ZNF398: variants seen among roughly 807,000 people sequenced by gnomAD.
The protein encoded by ZNF398 is zinc finger DNA binding protein ZER6.
ZNF398 carries 18 observed loss-of-function variants against 41.9 expected under a neutral mutation model. That is an observed-to-expected ratio of 0.43 (90% CI 0.30 to 0.64). The LOEUF is 0.64. Ranked by LOEUF, ZNF398 falls within the 30% of genes least tolerant of loss-of-function variation. ZNF398 has a pLI of 0.14. For synonymous variants in ZNF398, 260 were observed against 308.8 expected (o/e 0.84, Z 1.66); for missense variants, 669 against 822.8 (o/e 0.81, Z 2.29).
At chr7:149,178,543 TTC>T in intron 5 of ZNF398, 103 bp from the exon 6 acceptor site, 1 of 959,536 alleles carries the variant, frequency 1.0e-6, no homozygotes, top group East Asian at 2.4e-5. Flanking sequence ...TCTGCTGTAT[TTC>T]TGATCTGAGC....
In ZNF398 at chr7:149,181,122, A is replaced by G. The variant is rs1366244575; in HGVS notation, c.*1321A>G. The G allele has an allele frequency of 1.3e-5, 2 of 152,588 alleles. No homozygotes were observed. The highest frequency in any genetic ancestry group is 2.9e-5 in the Non-Finnish European group (2 of 68,026). 9.5% of individuals were successfully genotyped at this position (152,588 alleles called of 1,614,324 possible). ...AGTTCTGTTTCCTTTATGGATCTCAAATTTTCATCTGCACAATGAGGCTGT... is the reference window on the plus strand; with the variant it reads ...AGTTCTGTTTCCTTTATGGATCTCAGATTTTCATCTGCACAATGAGGCTGT... On this transcript the variant is annotated 3_prime_UTR_variant, in exon 6 of 6. Coordinates refer to ENST00000475153, the MANE Select transcript of ZNF398 (RefSeq NM_170686.3).
rs1585548728 is a variant in ZNF398, at chr7:149,181,547, A to G, written c.*1746A>G. ...AGCCCATCCTTCACTCTCTCTAGTT[A>G]TGCATAACAACACTAGAAGAAGGTG... On this transcript the variant is annotated 3_prime_UTR_variant, in exon 6 of 6. Transcript: ENST00000475153. The G allele has an allele frequency of 2.0e-5, 3 of 152,308 alleles. No individual in the cohort carries two copies. The highest frequency in any genetic ancestry group is 6.5e-5 in the Admixed American group (1 of 15,286). The allele number at this position is 152,308 out of a possible 1,614,324, so 9.4% of individuals were successfully genotyped here. A position where few individuals can be genotyped will look rare whatever the true frequency, so the allele number is the denominator to read the frequency against.
chr7:149,151,567 T>G (rs985736512), intron 1 of ZNF398, among the ~76,000 whole-genome samples: 1 of 152,156 alleles, frequency 6.6e-6, no homozygotes, highest in Non-Finnish European at 1.5e-5. Context: ...AAGTAAATTA[T>G]TTTGGAGCAG....
chr7:149,144,292 T>C (rs142412078), upstream of ZNF398, among the ~76,000 whole-genome samples: 126 of 152,312 alleles, frequency 8.3e-4, 1 homozygote, highest in African/African-American at 3.0e-3. Context: ...TCTTGCCTTA[T>C]AACATCAAAC....
At chr7:149,175,666 AGTTGATTTGTTTTTT>A (rs1795445548) in intron 4 of ZNF398, among the ~76,000 whole-genome samples, 2 of 152,084 alleles carry the variant, frequency 1.3e-5, no homozygotes, top group African/African-American at 4.8e-5. Context: ...TAATTCTGGA[AGTTGATTTGTTTTTT>A]GTTTGTTTGT....
chr7:149,133,281 C>G (rs1052540506), intron 2 of ZNF398, among the ~76,000 whole-genome samples: 5 of 151,624 alleles, frequency 3.3e-5, no homozygotes, highest in African/African-American at 1.2e-4. Flanking sequence ...ACCCAGATAA[C>G]TTTTGTATTT....
intron 1 of ZNF398, among the ~76,000 whole-genome samples, chr7:149,150,607 A>C (rs1827085894): frequency 6.6e-6 from 1 of 152,126 alleles, no homozygotes; most frequent in Non-Finnish European, 1.5e-5. Flanking sequence ...AAAAAAACAA[A>C]AACAAAACCC....
intron 2 of ZNF398, among the ~76,000 whole-genome samples, chr7:149,157,729 T>C (rs541090901): frequency 2.6e-4 from 40 of 151,160 alleles, no homozygotes; most frequent in Non-Finnish European, 4.6e-4. Context: ...TCCCAGCTAC[T>C]TGGGAGGCTG....
Position 149,178,982 on chromosome 7 carries a change from A to G in ZNF398, c.1110A>G (p.Leu370=). ...HQCSHATEHP[L]PCAQCPKHFT... is the part of the protein sequence containing the mutation. Reference sequence around the variant, plus strand: ...GTAGCCATGCTACTGAGCACCCCTTACCCTGTGCCCAGTGCCCTAAGCACT... The same window carrying G: ...GTAGCCATGCTACTGAGCACCCCTTGCCCTGTGCCCAGTGCCCTAAGCACT... The change falls in exon 6 of 6, where the codon TTA becomes TTG. Residue 370 remains leucine (L), a synonymous_variant. Coordinates refer to ENST00000475153, the MANE Select transcript of ZNF398 (RefSeq NM_170686.3). 1.9e-6 allele frequency: 3 copies of G among 1,613,874 alleles called. No individual in the cohort carries two copies. The highest frequency in any genetic ancestry group is 2.5e-6 in the Non-Finnish European group (3 of 1,179,972).
At chr7:149,140,817 A>C (rs891021648) in intron 2 of ZNF398, among the ~76,000 whole-genome samples, 5 of 152,120 alleles carry the variant, frequency 3.3e-5, no homozygotes, top group Non-Finnish European at 7.4e-5. Flanking sequence ...AGGCAGGAGC[A>C]TCCCTTGAGC....
chr7:149,126,561 C>T (rs1826482598), exon 1 of ZNF398: 1 of 433,190 alleles, frequency 2.3e-6, no homozygotes, highest in Non-Finnish European at 4.1e-6. Context: ...AACGGAGGGG[C>T]AGGTGAACAT....
At chr7:149,151,339 G>C (rs1326592557) in intron 1 of ZNF398, 24 of 1,019,718 alleles carry the variant, frequency 2.4e-5, no homozygotes, top group Non-Finnish European at 3.0e-5. Context: ...TGATCAATTA[G>C]AGAAAAAAAG....
rs1794920419 is a variant in ZNF398 at position 149,154,177 on chromosome 7, C to T, written c.257C>T (p.Thr86Ile). 6.2e-7 allele frequency: 1 copy of T among 1,614,134 alleles called. No homozygotes were observed. Among genetic ancestry groups the T allele is most frequent in the South Asian group, 1.1e-5 (1 of 91,064 alleles). ...KKLASCEKTV[T>I]ELGNQLEGKW... ...CTAGCCAGCTGTGAAAAGACAGTTACCGAGCTTGGGAACCAGCTGGAGGGC... is the reference window on the plus strand; with the variant it reads ...CTAGCCAGCTGTGAAAAGACAGTTATCGAGCTTGGGAACCAGCTGGAGGGC... The change falls in exon 2 of 6, where the codon ACC becomes ATC. Residue 86 changes from threonine (T) to isoleucine (I), a missense_variant. Coordinates refer to ENST00000475153, the MANE Select transcript of ZNF398 (RefSeq NM_170686.3).
intron 4 of ZNF398, among the ~76,000 whole-genome samples, chr7:149,174,632 C>G (rs1280463242): frequency 6.6e-6 from 1 of 152,114 alleles, no homozygotes; most frequent in Non-Finnish European, 1.5e-5. Context: ...GAAGAACAGC[C>G]TAAGCAACAT....
Position 149,179,611 on chromosome 7 carries a change from A to G in ZNF398, c.1739A>G (p.Gln580Arg). The change falls in exon 6 of 6, where the codon CAG (glutamine) becomes CGG (arginine). Residue 580 changes from glutamine to arginine, a missense_variant. By Grantham distance (43) the Gln-to-Arg change is conservative. This residue lies in a region of ZNF398 where 210 missense variants were observed against 290.4 expected (regional missense o/e 0.72). Coordinates refer to ENST00000475153, the MANE Select transcript of ZNF398 (RefSeq NM_170686.3). This position sits in a 1 kb window ranked among gnomAD's most constrained non-coding sequence, Gnocchi z 6.1. Reference sequence around the variant, plus strand: ...TGTGGCAGGAGCTTCCGCTACAAACAGACACTCAAGGACCACCTCCGTTCA... The same window carrying G: ...TGTGGCAGGAGCTTCCGCTACAAACGGACACTCAAGGACCACCTCCGTTCA... ...SYCGRSFRYK[Q>R]TLKDHLRSGH... The G allele has an allele frequency of 6.2e-7, 1 of 1,614,122 alleles. No homozygotes were observed. Among genetic ancestry groups the G allele is most frequent in the Non-Finnish European group, 8.5e-7 (1 of 1,179,990 alleles).
chr7:149,134,550 C>T (rs895419997), intron 2 of ZNF398, among the ~76,000 whole-genome samples: 5 of 152,068 alleles, frequency 3.3e-5, no homozygotes, highest in Admixed American at 6.6e-5. Context: ...AGCATCCCAT[C>T]CATTATATTC....
rs980073310 is a variant in ZNF398 at position 149,151,306 on chromosome 7, A to G, written c.25-2639A>G. 4 of 1,210,944 alleles carry G rather than the reference A, an allele frequency of 3.3e-6. No individual in the cohort carries two copies. The African/African-American group carries it at 6.2e-5, about 19-fold the overall frequency. 75.0% of individuals were successfully genotyped at this position (1,210,944 alleles called of 1,614,324 possible). ...AGGTGAGGCAGAAAGACATGAGAGA[A>G]GGGGAGTTGGAAGTGACTGATGTGA... is the stretch of plus-strand genomic sequence containing the variant. On this transcript the variant is annotated intron_variant, in intron 1 of 5. Transcript: ENST00000475153.
intron 2 of ZNF398, among the ~76,000 whole-genome samples, chr7:149,137,571 G>A (rs1410699132): frequency 6.6e-6 from 1 of 151,894 alleles, no homozygotes; most frequent in Non-Finnish European, 1.5e-5. Flanking sequence ...TAGTAGAGAC[G>A]GGTTTTCACC....
chr7:149,165,189 T>C (rs1795202163), intron 2 of ZNF398, among the ~76,000 whole-genome samples: 1 of 152,048 alleles, frequency 6.6e-6, no homozygotes, highest in Admixed American at 6.6e-5. Flanking sequence ...CAGATCCAAG[T>C]TACCTCACTT....
Sources: gnomAD v4.1 joint callset for allele counts (sites outside exome capture counted in the v4.1 genomes callset) on GRCh38, gnomAD v4.1.1 for gene constraint, gnomAD v4.1.1 regional missense constraint, Gnocchi (gnomAD v3.1) non-coding constraint, MANE v1.5 for transcripts, NCBI Gene and HGNC (gene_info 2026-07-23, HGNC 2026-07-21) for gene names.